The following RBMS3 variants were observed in gnomAD, a reference collection of about 807,000 sequenced individuals.
RBMS3 encodes the protein RNA-binding motif, single-stranded-interacting protein 3.
Under a neutral mutation model 66.8 loss-of-function variants are expected in RBMS3, and 27 were observed. The observed-to-expected ratio is 0.40, with a 90% confidence interval of 0.30 to 0.56. The LOEUF (loss-of-function observed/expected upper bound fraction) is 0.56. Among genes scored for constraint, RBMS3 ranks in the 20% least tolerant of loss-of-function variants. RBMS3 has a pLI of 0.40. For missense variants in RBMS3, 513 were observed against 549.5 expected, an observed-to-expected ratio of 0.93 and a Z score of 0.66; for synonymous variants, 188 against 183.0, an observed-to-expected ratio of 1.03 and a Z score of -0.22.
chr3:29,413,372 TCATACATACATA>T (rs10530714), intron 1 of RBMS3, among the ~76,000 whole-genome samples: 79 of 109,950 alleles, frequency 7.2e-4, no homozygotes, highest in African/African-American at 1.2e-3. Flanking sequence ...TCCATCTCAT[TCATACATACATA>T]CATACATACA....
intron 1 of RBMS3, among the ~76,000 whole-genome samples, chr3:29,414,181 G>C (rs980010651): frequency 6.6e-6 from 1 of 152,122 alleles, no homozygotes; most frequent in Non-Finnish European, 1.5e-5. Flanking sequence ...GATCACATTC[G>C]ATAACAAAGC....
At chr3:29,855,026 C>T (rs1380502114) in intron 6 of RBMS3, among the ~76,000 whole-genome samples, 3 of 152,202 alleles carry the variant, frequency 2.0e-5, no homozygotes, top group African/African-American at 7.2e-5. Flanking sequence ...TAATATCTAA[C>T]ATTTGTTTTG....
intron 1 of RBMS3, among the ~76,000 whole-genome samples, chr3:29,387,675 G>A: frequency 6.6e-6 from 1 of 151,982 alleles, no homozygotes; most frequent in Non-Finnish European, 1.5e-5. Flanking sequence ...GGCCAAGGTG[G>A]GCGGATCATG....
chr3:29,307,824 C>T (rs555812277), intron 1 of RBMS3, among the ~76,000 whole-genome samples: 14 of 151,830 alleles, frequency 9.2e-5, no homozygotes, highest in Admixed American at 7.9e-4. Flanking sequence ...ACAGAGCAAG[C>T]GCTGTTGAAC....
intron 4 of RBMS3, among the ~76,000 whole-genome samples, chr3:29,709,516 ATG>A (rs2053062927): frequency 6.6e-6 from 1 of 152,178 alleles, no homozygotes; most frequent in Non-Finnish European, 1.5e-5. Flanking sequence ...TTTTTGAGTT[ATG>A]TGTATGGCCT....
At chr3:29,813,621 G>A (rs1207213509) in intron 6 of RBMS3, among the ~76,000 whole-genome samples, 2 of 152,096 alleles carry the variant, frequency 1.3e-5, no homozygotes, top group Non-Finnish European at 2.9e-5. Context: ...AGCATGGAAT[G>A]TTCTTCCATT....
intron 14 of RBMS3, among the ~76,000 whole-genome samples, chr3:29,999,613 A>C (rs1326123365): frequency 3.3e-5 from 5 of 152,198 alleles, no homozygotes; most frequent in Admixed American, 1.3e-4. Context: ...TTGTAGGGAC[A>C]TGGATGAAAC....
chr3:29,740,995 C>A (rs1028841511), intron 5 of RBMS3, among the ~76,000 whole-genome samples: 1 of 150,358 alleles, frequency 6.7e-6, no homozygotes, highest in Non-Finnish European at 1.5e-5. Flanking sequence ...AAGCCGAGAT[C>A]GCGCCACTAT....
intron 4 of RBMS3, among the ~76,000 whole-genome samples, chr3:29,692,568 C>A (rs1033220834): frequency 2.0e-5 from 3 of 152,150 alleles, no homozygotes; most frequent in African/African-American, 7.2e-5. Flanking sequence ...CATTAAGAGA[C>A]TTTATTTGAC....
At chr3:29,452,527 A>G (rs1304403785) in intron 2 of RBMS3, among the ~76,000 whole-genome samples, 2 of 152,180 alleles carry the variant, frequency 1.3e-5, no homozygotes, top group Non-Finnish European at 1.5e-5. Flanking sequence ...CAATAATTAC[A>G]TTATTCTGAC....
intron 3 of RBMS3, among the ~76,000 whole-genome samples, chr3:29,544,843 T>A (rs2045890747): frequency 1.3e-5 from 2 of 152,164 alleles, no homozygotes; most frequent in South Asian, 4.1e-4. Context: ...AGATAACAGA[T>A]GGGATTTGGC....
intron 4 of RBMS3, among the ~76,000 whole-genome samples, chr3:29,675,402 CA>C (rs980441050): frequency 1.3e-5 from 2 of 151,066 alleles, no homozygotes; most frequent in African/African-American, 4.9e-5. Context: ...AAAGCAATGG[CA>C]AAAAAAAGCC....
At chr3:29,888,064 G>T (rs902351301) in intron 8 of RBMS3, among the ~76,000 whole-genome samples, 7 of 151,608 alleles carry the variant, frequency 4.6e-5, no homozygotes, top group Non-Finnish European at 8.9e-5. Flanking sequence ...GACCCTATTG[G>T]AGTTGCTGCA....
chr3:29,603,004 G>A (rs2048200126), intron 4 of RBMS3, among the ~76,000 whole-genome samples: 1 of 151,890 alleles, frequency 6.6e-6, no homozygotes, highest in Non-Finnish European at 1.5e-5. Flanking sequence ...CATTATCATA[G>A]GGTTTATGTG....
At chr3:29,848,169 A>G (rs1331569340) in intron 6 of RBMS3, among the ~76,000 whole-genome samples, 1 of 152,182 alleles carries the variant, frequency 6.6e-6, no homozygotes, top group Admixed American at 6.5e-5. Flanking sequence ...TGCTCACAGA[A>G]GTTCTTCCCT....
intron 1 of RBMS3, among the ~76,000 whole-genome samples, chr3:29,369,505 C>T (rs2125598514): frequency 1.3e-5 from 2 of 149,774 alleles, no homozygotes; most frequent in East Asian, 4.0e-4. Flanking sequence ...CACACACACA[C>T]ACACACACAC....
At chr3:29,948,877 GC>G (rs1211356635) in intron 12 of RBMS3, among the ~76,000 whole-genome samples, 13 of 151,474 alleles carry the variant, frequency 8.6e-5, no homozygotes, top group African/African-American at 3.1e-4. Flanking sequence ...TCCATTTCTT[GC>G]CCCCAAAGAA....
chr3:29,983,979 C>T lies in RBMS3; in HGVS notation c.1099-4164C>T, dbSNP rs191752427. ...CCTGTCTTGCTAGGTTGGGGAAGTTCTCCTGGATAATATCCTGAAGAGCGT... is the reference window on the plus strand; with the variant it reads ...CCTGTCTTGCTAGGTTGGGGAAGTTTTCCTGGATAATATCCTGAAGAGCGT... On this transcript the variant is annotated intron_variant, in intron 12 of 14. Coordinates refer to ENST00000383767, the MANE Select transcript of RBMS3 (RefSeq NM_001003793.3). Among the ~76,000 whole-genome samples the T allele has an allele frequency of 2.6e-5, 4 of 152,244 alleles. No homozygotes were observed. In the East Asian group the frequency reaches 7.7e-4, roughly 29 times the overall value.
At chr3:29,783,799 G>A (rs1434855463) in intron 6 of RBMS3, among the ~76,000 whole-genome samples, 1 of 152,072 alleles carries the variant, frequency 6.6e-6, no homozygotes, top group Admixed American at 6.5e-5. Flanking sequence ...GTCTTCAGGA[G>A]ACTCATCTAA....
Sources: gnomAD v4.1 joint callset for allele counts (sites outside exome capture counted in the v4.1 genomes callset) on GRCh38, gnomAD v4.1.1 for gene constraint, MANE v1.5 for transcripts, NCBI Gene and HGNC (gene_info 2026-07-23, HGNC 2026-07-21) for gene names.